Variants in RBMS3 observed in about 807,000 individuals in gnomAD.
RBMS3 encodes RNA binding motif single stranded interacting protein 3.
RBMS3 carries 27 observed loss-of-function variants against 66.8 expected under a neutral mutation model. That is an observed-to-expected ratio of 0.40 (90% confidence interval 0.30 to 0.56). The LOEUF is 0.56. Among genes scored for constraint, RBMS3 ranks in the 20% least tolerant of loss-of-function variants. The probability of loss-of-function intolerance (pLI) is 0.40; values close to 1 mark genes in which losing one functional copy is unlikely to be tolerated. For missense variants in RBMS3, 513 were observed against 549.5 expected, an observed-to-expected ratio of 0.93 and a Z score of 0.66; for synonymous variants, 188 against 183.0, an observed-to-expected ratio of 1.03 and a Z score of -0.22.
chr3:29,587,187 G>A lies in RBMS3; in HGVS notation c.381G>A (p.Val127=), dbSNP rs749186896. ...KAVASLKANG[V]QAQMAKQQEQ... ...TAGCATCTCTCAAGGCAAATGGCGT[G>A]CAGGCACAGATGGCTAAGGTAAGAT... Residue 127 remains valine (V), a synonymous_variant, in exon 4 of 15, where the codon GTG becomes GTA. Transcript: ENST00000383767. 1 of 1,576,338 alleles carries A rather than the reference G, an allele frequency of 6.3e-7. No homozygotes were observed. Among genetic ancestry groups the A allele is most frequent in the Non-Finnish European group, 8.6e-7 (1 of 1,156,620 alleles).
intron 10 of RBMS3, among the ~76,000 whole-genome samples, chr3:29,923,386 T>G (rs865927700): frequency 3.3e-5 from 5 of 152,288 alleles, no homozygotes; most frequent in Middle Eastern, 6.8e-3. Context: ...AACGTGCCTT[T>G]GAAGATTGTG....
At chr3:29,403,081 G>T (rs1035297647) in intron 1 of RBMS3, among the ~76,000 whole-genome samples, 1 of 151,814 alleles carries the variant, frequency 6.6e-6, no homozygotes, top group Non-Finnish European at 1.5e-5. Context: ...TGAGCTGCTG[G>T]TTATAAATGA....
intron 4 of RBMS3, among the ~76,000 whole-genome samples, chr3:29,680,981 T>C (rs2051460523): frequency 6.6e-6 from 1 of 152,222 alleles, no homozygotes; most frequent in Admixed American, 6.5e-5. Flanking sequence ...TGGAAATTAA[T>C]TCATGTATGT....
At chr3:29,295,043 A>G (rs138984451) in intron 1 of RBMS3, among the ~76,000 whole-genome samples, 121 of 151,688 alleles carry the variant, frequency 8.0e-4, no homozygotes, top group Non-Finnish European at 1.6e-3. Context: ...ATCTAAACTA[A>G]TGCAAGATAA....
chr3:29,657,137 C>T (rs1045730660), intron 4 of RBMS3, among the ~76,000 whole-genome samples: 1 of 152,176 alleles, frequency 6.6e-6, no homozygotes, highest in African/African-American at 2.4e-5. Flanking sequence ...TGTGGTAGAG[C>T]TCTGCCCTAA....
chr3:29,576,246 A>G (rs1391470268), intron 3 of RBMS3, among the ~76,000 whole-genome samples: 1 of 152,138 alleles, frequency 6.6e-6, no homozygotes, highest in Non-Finnish European at 1.5e-5. Context: ...GGTCTTGGGT[A>G]AGATCTGGAA....
At chr3:29,440,584 A>G (rs1388170210) in intron 2 of RBMS3, among the ~76,000 whole-genome samples, 1 of 152,202 alleles carries the variant, frequency 6.6e-6, no homozygotes, top group Non-Finnish European at 1.5e-5. Flanking sequence ...CCCCTTTAAA[A>G]TGAAACTCTG....
intron 1 of RBMS3, among the ~76,000 whole-genome samples, chr3:29,352,957 T>C (rs1048997782): frequency 1.3e-5 from 2 of 151,934 alleles, no homozygotes; most frequent in Non-Finnish European, 1.5e-5. Context: ...CAGTATTTCA[T>C]TGTGTATATA....
At chr3:29,426,947 T>C (rs112801849) in intron 1 of RBMS3, among the ~76,000 whole-genome samples, 1,637 of 152,340 alleles carry the variant, frequency 0.011, 14 homozygotes, top group Non-Finnish European at 0.016. Flanking sequence ...AGTGAAATAA[T>C]CATAATTCCT....
In RBMS3 at chr3:29,734,728, G is replaced by C. The variant is rs924508988; in HGVS notation, c.400-4992G>C. Among the ~76,000 whole-genome samples, 6 of 152,140 alleles carry C rather than the reference G, an allele frequency of 3.9e-5. No individual in the cohort carries two copies. The South Asian group carries it at 1.2e-3, about 32-fold the overall frequency. ...AAATATGTACAGAAATTGAGAGAAC[G>C]CATTTAAAATCTTTTATAACAATTA... On this transcript the variant is annotated intron_variant, in intron 4 of 14. Coordinates refer to ENST00000383767, the MANE Select transcript of RBMS3 (RefSeq NM_001003793.3).
At chr3:29,749,356 C>A (rs563348859) in intron 5 of RBMS3, among the ~76,000 whole-genome samples, 2 of 152,262 alleles carry the variant, frequency 1.3e-5, no homozygotes, top group South Asian at 2.1e-4. Flanking sequence ...CCCATGTAAA[C>A]CAAGGATAAT....
chr3:29,350,057 G>A (rs567107079), intron 1 of RBMS3, among the ~76,000 whole-genome samples: 7 of 151,958 alleles, frequency 4.6e-5, no homozygotes, highest in Admixed American at 1.3e-4. Flanking sequence ...CTACTCGGGC[G>A]GCTGAGGCAA....
chr3:29,452,885 G>T (rs538193342), intron 2 of RBMS3, among the ~76,000 whole-genome samples: 247 of 152,262 alleles, frequency 1.6e-3, no homozygotes, highest in African/African-American at 5.7e-3. Context: ...CACTAAAATT[G>T]CATGCAAAAT....
intron 10 of RBMS3, among the ~76,000 whole-genome samples, chr3:29,913,759 G>T (rs1437778144): frequency 6.6e-6 from 1 of 151,856 alleles, no homozygotes; most frequent in Non-Finnish European, 1.5e-5. Context: ...TAACAATGTT[G>T]TATATTAAAA....
intron 1 of RBMS3, among the ~76,000 whole-genome samples, chr3:29,354,038 G>C (rs1035009614): frequency 2.0e-5 from 3 of 151,770 alleles, no homozygotes; most frequent in African/African-American, 7.3e-5. Flanking sequence ...CTTTCATTTT[G>C]GTTTTCTTTT....
At chr3:29,796,884 T>C (rs992439846) in intron 6 of RBMS3, among the ~76,000 whole-genome samples, 6 of 151,914 alleles carry the variant, frequency 3.9e-5, no homozygotes, top group African/African-American at 1.5e-4. Context: ...GGCTAATTTT[T>C]TGTACTTTTA....
At chr3:29,571,987 T>C (rs1235482832) in intron 3 of RBMS3, among the ~76,000 whole-genome samples, 2 of 152,106 alleles carry the variant, frequency 1.3e-5, no homozygotes, top group Non-Finnish European at 2.9e-5. Context: ...ATTATAGAGA[T>C]ATTTTTCTTC....
intron 3 of RBMS3, among the ~76,000 whole-genome samples, chr3:29,503,726 C>A (rs1443710023): frequency 6.6e-6 from 1 of 152,108 alleles, no homozygotes; most frequent in Non-Finnish European, 1.5e-5. Context: ...TCAAGTAATT[C>A]TCAGGTAGAC....
At chr3:29,655,343 A>T (rs1304835564) in intron 4 of RBMS3, among the ~76,000 whole-genome samples, 1 of 152,178 alleles carries the variant, frequency 6.6e-6, no homozygotes, top group African/African-American at 2.4e-5. Context: ...CTTCATGACT[A>T]TTTCCTCTGG....
Sources: gnomAD v4.1 joint callset for allele counts (sites outside exome capture counted in the v4.1 genomes callset) on GRCh38, gnomAD v4.1.1 for gene constraint, MANE v1.5 for transcripts, NCBI Gene and HGNC (gene_info 2026-07-23, HGNC 2026-07-21) for gene names.